The following ACYP2 variants were observed in gnomAD, a reference collection of about 807,000 sequenced individuals.
The protein encoded by ACYP2 is acylphosphatase 2.
ACYP2 carries 12 observed loss-of-function variants against 11.2 expected under a neutral mutation model. The ratio of observed to expected loss-of-function variants is 1.08; its 90% CI spans 0.69 to 1.74. The LOEUF is 1.74. Ranked by LOEUF, ACYP2 falls within the 40% of genes most tolerant of loss-of-function variation. The pLI, the probability that ACYP2 is intolerant of heterozygous loss-of-function variation, is 0.00. For synonymous variants in ACYP2, 43 were observed against 32.2 expected, an observed-to-expected ratio of 1.33 and a Z score of -1.13; for missense variants, 134 against 101.9, an observed-to-expected ratio of 1.31 and a Z score of -1.35.
chr2:54,158,443 C>G (rs1682541150), intron 6 of ACYP2, among the ~76,000 whole-genome samples: 1 of 152,022 alleles, frequency 6.6e-6, no homozygotes, highest in African/African-American at 2.4e-5. Context: ...TGGTTTCAAG[C>G]AATCCTCCAG....
chr2:54,135,331 G>T lies in ACYP2; in HGVS notation c.278-122G>T. 6.2e-6 allele frequency: 5 copies of T among 802,020 alleles called. No individual in the cohort carries two copies. In the South Asian group the frequency reaches 8.5e-5, roughly 14 times the overall value. The allele number at this position is 802,020 out of a possible 1,614,324, so 49.7% of individuals were successfully genotyped here. On this transcript the variant is annotated intron_variant, in intron 4 of 6. Transcript: ENST00000607452. ...GACCACAGTTGATGGAGGATTAAGT[G>T]AAACTGCAGAAGGTGAAACCAAGGA...
intron 2 of ACYP2, among the ~76,000 whole-genome samples, chr2:53,974,649 G>C (rs1027166706): frequency 1.3e-5 from 2 of 152,120 alleles, no homozygotes; most frequent in African/African-American, 4.8e-5. Flanking sequence ...AGTGGCCCAG[G>C]ATTGTGTGAC....
At chr2:53,974,873 C>T (rs1448627297) in intron 2 of ACYP2, among the ~76,000 whole-genome samples, 8 of 151,868 alleles carry the variant, frequency 5.3e-5, no homozygotes, top group Non-Finnish European at 1.2e-4. Context: ...GTTTGGTTGA[C>T]GTGTAAGTGA....
At chr2:54,203,418 A>G (rs1684938140) in intron 6 of ACYP2, among the ~76,000 whole-genome samples, 1 of 152,208 alleles carries the variant, frequency 6.6e-6, no homozygotes, top group African/African-American at 2.4e-5. Flanking sequence ...AAATAGAGAT[A>G]GTTTTACTTC....
intron 6 of ACYP2, among the ~76,000 whole-genome samples, chr2:54,230,530 C>T (rs1158458873): frequency 6.6e-6 from 1 of 151,892 alleles, no homozygotes; most frequent in Non-Finnish European, 1.5e-5. Context: ...CCACACCCGG[C>T]TAATTTTGTA....
At chr2:54,291,553 C>T (rs1689305855) in intron 6 of ACYP2, among the ~76,000 whole-genome samples, 1 of 152,216 alleles carries the variant, frequency 6.6e-6, no homozygotes, top group Non-Finnish European at 1.5e-5. Context: ...GCTACATTTC[C>T]TGACTGCCTC....
At chr2:54,179,137 G>A (rs762598496) in intron 6 of ACYP2, among the ~76,000 whole-genome samples, 7 of 151,370 alleles carry the variant, frequency 4.6e-5, no homozygotes, top group African/African-American at 9.7e-5. Flanking sequence ...GCCTTAATGC[G>A]CTTATTAAAT....
At chr2:54,097,823 C>T (rs756354250) in intron 4 of ACYP2, among the ~76,000 whole-genome samples, 5 of 151,830 alleles carry the variant, frequency 3.3e-5, no homozygotes, top group Non-Finnish European at 7.4e-5. Context: ...ATTATTATAC[C>T]TAATGAATTA....
intron 6 of ACYP2, among the ~76,000 whole-genome samples, chr2:54,145,852 A>G (rs1681858531): frequency 6.6e-6 from 1 of 152,172 alleles, no homozygotes. Context: ...AAAGTGCATC[A>G]CACAACCTGT....
intron 6 of ACYP2, among the ~76,000 whole-genome samples, chr2:54,237,031 C>T (rs1686512863): frequency 6.6e-6 from 1 of 152,010 alleles, no homozygotes; most frequent in South Asian, 2.1e-4. Flanking sequence ...GTCATTATTC[C>T]CTAAACAATA....
At chr2:53,998,383 T>C (rs1468687237) in intron 2 of ACYP2, among the ~76,000 whole-genome samples, 1 of 152,164 alleles carries the variant, frequency 6.6e-6, no homozygotes, top group Non-Finnish European at 1.5e-5. Context: ...GGGTTTTGTT[T>C]GGATGGGAGA....
At chr2:54,244,327 C>T (rs1014334198) in intron 6 of ACYP2, among the ~76,000 whole-genome samples, 1 of 152,076 alleles carries the variant, frequency 6.6e-6, no homozygotes, top group Non-Finnish European at 1.5e-5. Context: ...TTAGCCTCCC[C>T]AGTAGCTGGG....
At chr2:54,155,763 G>C (rs1445768076) in intron 6 of ACYP2, among the ~76,000 whole-genome samples, 1 of 152,084 alleles carries the variant, frequency 6.6e-6, no homozygotes, top group Non-Finnish European at 1.5e-5. Context: ...GGTATGTGTT[G>C]TGTTTTCATT....
intron 4 of ACYP2, among the ~76,000 whole-genome samples, chr2:54,068,799 C>A (rs1676873221): frequency 6.6e-6 from 1 of 152,058 alleles, no homozygotes; most frequent in Non-Finnish European, 1.5e-5. Flanking sequence ...CTGCATTCTT[C>A]TCAAACAGCC....
At chr2:54,182,851 G>C (rs1212323875) in intron 6 of ACYP2, among the ~76,000 whole-genome samples, 2 of 152,094 alleles carry the variant, frequency 1.3e-5, no homozygotes, top group African/African-American at 2.4e-5. Context: ...GGCAGATCCA[G>C]GTTTCACAAA....
intron 4 of ACYP2, among the ~76,000 whole-genome samples, chr2:54,135,029 C>A (rs896715945): frequency 6.6e-6 from 1 of 152,184 alleles, no homozygotes; most frequent in Non-Finnish European, 1.5e-5. Flanking sequence ...TTAGAGGAAG[C>A]ACTTTATGGT....
chr2:54,001,217 A>G (rs182142732), intron 2 of ACYP2, among the ~76,000 whole-genome samples: 3 of 152,178 alleles, frequency 2.0e-5, no homozygotes, highest in Non-Finnish European at 4.4e-5. Context: ...TTAGCTGGGC[A>G]TGGTGGCACA....
intron 4 of ACYP2, among the ~76,000 whole-genome samples, chr2:54,100,091 T>C (rs1257108378): frequency 6.6e-6 from 1 of 152,200 alleles, no homozygotes; most frequent in Non-Finnish European, 1.5e-5. Context: ...TCACATACTC[T>C]TTTCTGTAAT....
intron 1 of ACYP2, among the ~76,000 whole-genome samples, chr2:53,973,546 T>A (rs1473877022): frequency 6.6e-6 from 1 of 152,148 alleles, no homozygotes; most frequent in African/African-American, 2.4e-5. Context: ...TTCTTTATAA[T>A]CTCCCCAACC....
Sources: gnomAD v4.1 joint callset for allele counts (sites outside exome capture counted in the v4.1 genomes callset) on GRCh38, gnomAD v4.1.1 for gene constraint, MANE v1.5 for transcripts, NCBI Gene and HGNC (gene_info 2026-07-23, HGNC 2026-07-21) for gene names.